The following AKAP13 variants were observed in gnomAD, a reference collection of about 807,000 sequenced individuals.
AKAP13 encodes the protein A-kinase anchoring protein 13, also known as A-kinase anchor protein 13.
Under a neutral mutation model 264.5 loss-of-function variants are expected in AKAP13, and 80 were observed. The observed-to-expected ratio is 0.30, with a 90% CI of 0.25 to 0.36. The LOEUF (loss-of-function observed/expected upper bound fraction) is 0.36. AKAP13 is among the 10% of genes least tolerant of loss of function. AKAP13 has a pLI of 1.00. For missense variants in AKAP13, 3,712 were observed against 3,435.2 expected (o/e 1.08, Z -2.01); for synonymous variants, 1,380 against 1,250.2 (o/e 1.10, Z -2.19).
chr15:85,694,740 T>G (rs575339960), intron 17 of AKAP13, among the ~76,000 whole-genome samples: 39 of 152,288 alleles, frequency 2.6e-4, no homozygotes, highest in African/African-American at 8.9e-4. Flanking sequence ...GGTGACAGTC[T>G]GGAGTTCCAG....
intron 1 of AKAP13, among the ~76,000 whole-genome samples, chr15:85,447,372 A>T (rs12440352): frequency 0.5 from 73,634 of 145,982 alleles, 19,321 homozygotes; most frequent in East Asian, 0.83. Context: ...CTCCTTTTTT[A>T]AAAAAAAATT....
intron 8 of AKAP13, among the ~76,000 whole-genome samples, chr15:85,631,859 AT>A (rs911152463): frequency 1.3e-5 from 2 of 152,142 alleles, no homozygotes; most frequent in African/African-American, 2.4e-5. Context: ...ATCAAGATAA[AT>A]TTTTTAAAAA....
chr15:85,644,472 C>T (rs1269862311), intron 9 of AKAP13, among the ~76,000 whole-genome samples: 1 of 150,974 alleles, frequency 6.6e-6, no homozygotes, highest in South Asian at 2.1e-4. Flanking sequence ...GAACTCTGGC[C>T]GCAGGTGATC....
At chr15:85,589,851 A>G (rs1196636805) in intron 8 of AKAP13, among the ~76,000 whole-genome samples, 1 of 152,188 alleles carries the variant, frequency 6.6e-6, no homozygotes, top group Non-Finnish European at 1.5e-5. Flanking sequence ...AGAAGCAAGC[A>G]GATTTCTTAA....
intron 1 of AKAP13, among the ~76,000 whole-genome samples, chr15:85,436,573 C>T (rs1160519704): frequency 2.0e-5 from 3 of 148,204 alleles, no homozygotes; most frequent in Non-Finnish European, 4.5e-5. Flanking sequence ...GGAAGTAAAG[C>T]TCTCCTCAGC....
chr15:85,620,507 C>G (rs1217888757), intron 8 of AKAP13, among the ~76,000 whole-genome samples: 1 of 152,076 alleles, frequency 6.6e-6, no homozygotes, highest in Non-Finnish European at 1.5e-5. Flanking sequence ...GTCTCTGTCA[C>G]CCCTCCGCCC....
chr15:85,442,451 CATATATAATATACATAATATATATT>C (rs2036780687), intron 1 of AKAP13, among the ~76,000 whole-genome samples: 1 of 111,592 alleles, frequency 9.0e-6, no homozygotes, highest in South Asian at 2.6e-4. Flanking sequence ...ATAAAATATA[CATATATAATATACATAATATATATT>C]ATATAATATA....
At chr15:85,729,873 G>T (rs919422281) in intron 29 of AKAP13, among the ~76,000 whole-genome samples, 6 of 152,130 alleles carry the variant, frequency 3.9e-5, no homozygotes, top group African/African-American at 1.2e-4. Flanking sequence ...GAACCCAGGA[G>T]GTGGAGGTTA....
rs1003117797 is a variant in AKAP13, at chr15:85,515,343, C to T, written c.34-6085C>T. Among the ~76,000 whole-genome samples, 2 of 138,280 alleles carry T rather than the reference C, an allele frequency of 1.4e-5. 1 individual carries two copies. The highest frequency in any genetic ancestry group is 3.1e-5 in the Non-Finnish European group (2 of 64,640). 90.7% of individuals were successfully genotyped at this position (138,280 alleles called of 152,430 possible). ...TTAATCATTCTGTCTCTTATCATTT[C>T]TTTCCTGAACCATTGGAGAGTAAAT... On this transcript the variant is annotated intron_variant, in intron 2 of 36. Coordinates refer to ENST00000394518, the MANE Select transcript of AKAP13 (RefSeq NM_007200.5).
At chr15:85,415,727 T>C (rs2072211203) in intron 1 of AKAP13, 5 of 695,044 alleles carry the variant, frequency 7.2e-6, no homozygotes, top group South Asian at 3.6e-5. Context: ...TTTTTTTTTT[T>C]TTTCATTACT....
chr15:85,569,789 G>A (rs901655764), intron 5 of AKAP13, among the ~76,000 whole-genome samples: 1 of 152,064 alleles, frequency 6.6e-6, no homozygotes, highest in African/African-American at 2.4e-5. Flanking sequence ...ATAAAGAAAG[G>A]CCACTGGGCC....
intron 33 of AKAP13, among the ~76,000 whole-genome samples, chr15:85,736,993 A>C (rs2088580117): frequency 7.4e-6 from 1 of 135,432 alleles, no homozygotes; most frequent in Non-Finnish European, 1.5e-5. Flanking sequence ...ATCTCAGCTC[A>C]CTGCAACCTC....
chr15:85,661,250 C>G (rs372588863), intron 12 of AKAP13, among the ~76,000 whole-genome samples: 24 of 152,218 alleles, frequency 1.6e-4, no homozygotes, highest in African/African-American at 4.8e-4. Flanking sequence ...GTTTACTTAG[C>G]ATTTCCAACC....
At chr15:85,421,619 CTT>C (rs199986687) in intron 1 of AKAP13, among the ~76,000 whole-genome samples, 1 of 151,890 alleles carries the variant, frequency 6.6e-6, no homozygotes, top group Admixed American at 6.6e-5. Flanking sequence ...AACTTTGTAT[CTT>C]TTTTTTTCTT....
intron 8 of AKAP13, among the ~76,000 whole-genome samples, chr15:85,631,498 TCTCTCACACACACA>T (rs1381060476): frequency 3.4e-3 from 229 of 66,550 alleles, no homozygotes; most frequent in African/African-American, 0.011. Context: ...TCTCTCTCTC[TCTCTCACACACACA>T]CACACACACA....
intron 3 of AKAP13, among the ~76,000 whole-genome samples, chr15:85,522,006 A>G (rs2076839677): frequency 1.3e-5 from 2 of 152,178 alleles, no homozygotes; most frequent in South Asian, 2.1e-4. Flanking sequence ...TCTGAAGAGT[A>G]TTAGATATCC....
intron 4 of AKAP13, among the ~76,000 whole-genome samples, chr15:85,543,330 C>T (rs886193283): frequency 2.0e-5 from 3 of 152,126 alleles, no homozygotes; most frequent in African/African-American, 7.2e-5. Flanking sequence ...GTAATTATAC[C>T]ATTTATGATA....
intron 17 of AKAP13, among the ~76,000 whole-genome samples, chr15:85,705,017 C>G (rs1027441610): frequency 1.3e-5 from 2 of 152,138 alleles, no homozygotes; most frequent in African/African-American, 4.8e-5. Flanking sequence ...CAAACTATCA[C>G]TAAGAGAAAA....
chr15:85,555,950 A>C (rs1344626533), intron 5 of AKAP13, among the ~76,000 whole-genome samples: 1 of 152,224 alleles, frequency 6.6e-6, no homozygotes, highest in Non-Finnish European at 1.5e-5. Context: ...CAAAAACCCT[A>C]ATATACTTTA....
Sources: gnomAD v4.1 joint callset for allele counts (sites outside exome capture counted in the v4.1 genomes callset) on GRCh38, gnomAD v4.1.1 for gene constraint, MANE v1.5 for transcripts, NCBI Gene and HGNC (gene_info 2026-07-23, HGNC 2026-07-21) for gene names.